The following DIPK2A variants were observed in gnomAD, a reference collection of about 807,000 sequenced individuals.
DIPK2A encodes the protein Golgi Protein of 49 kDa.
Under a neutral mutation model 39.0 loss-of-function variants are expected in DIPK2A, and 27 were observed. That is an observed-to-expected ratio of 0.69 (90% confidence interval 0.51 to 0.96). The LOEUF (loss-of-function observed/expected upper bound fraction) is 0.96, where lower values mean the gene tolerates loss of function less well. Among genes scored for constraint, DIPK2A ranks in the 40% least tolerant of loss-of-function variants. The pLI is 0.00. For missense variants in DIPK2A, 528 were observed against 571.3 expected (o/e 0.92, Z 0.77); for synonymous variants, 298 against 240.8 (o/e 1.24, Z -2.20).
chr3:143,991,129 A>ACAGTATG lies in DIPK2A; in HGVS notation c.*1288_*1289insCAGTATG, dbSNP rs2087981356. ...GCATAGAAATGTGTGGGCTCTTTATATAAGTTGACTATCACTAACAGGTAA... is the reference window on the plus strand; with the variant it reads ...GCATAGAAATGTGTGGGCTCTTTATACAGTATGTAAGTTGACTATCACTAACAGGTAA... On this transcript the variant is annotated 3_prime_UTR_variant, in exon 3 of 3. Coordinates refer to ENST00000315691, the MANE Select transcript of DIPK2A (RefSeq NM_173552.5). The ACAGTATG allele has an allele frequency of 6.6e-6, 1 of 152,662 alleles. No individual in the cohort carries two copies. The allele number at this position is 152,662 out of a possible 1,614,324, so 9.5% of individuals were successfully genotyped here.
At chr3:143,973,424 T>C (rs1009629538) in intron 1 of DIPK2A, 19 of 1,550,696 alleles carry the variant, frequency 1.2e-5, no homozygotes, top group Non-Finnish European at 1.6e-5. Flanking sequence ...GCGTTCGCTC[T>C]TCCTTTTCTG....
chr3:143,975,927 A>C (rs1346852275), intron 1 of DIPK2A, among the ~76,000 whole-genome samples: 2 of 152,124 alleles, frequency 1.3e-5, no homozygotes, highest in African/African-American at 2.4e-5. Context: ...AGCATGTAAA[A>C]ATTTCTTTTG....
At chr3:143,981,300 A>G (rs796439851) in intron 1 of DIPK2A, among the ~76,000 whole-genome samples, 48 of 152,338 alleles carry the variant, frequency 3.2e-4, no homozygotes, top group African/African-American at 1.1e-3. Context: ...AGATGATGCT[A>G]TAAAGACTGA....
chr3:143,987,857 A>G (rs1266649879), intron 2 of DIPK2A, among the ~76,000 whole-genome samples: 2 of 152,208 alleles, frequency 1.3e-5, no homozygotes, highest in African/African-American at 4.8e-5. Flanking sequence ...CTGCCTTGCC[A>G]TTAGCAACCA....
chr3:143,974,321 A>G (rs374980949), intron 1 of DIPK2A, among the ~76,000 whole-genome samples: 6 of 152,196 alleles, frequency 3.9e-5, no homozygotes, highest in African/African-American at 1.2e-4. Context: ...ATTTTAGGAC[A>G]TCAGAGGCTA....
intron 1 of DIPK2A, among the ~76,000 whole-genome samples, chr3:143,978,903 G>C (rs1265611946): frequency 1.3e-5 from 2 of 151,454 alleles, no homozygotes; most frequent in African/African-American, 4.8e-5. Context: ...TAATGTTTCC[G>C]ATTCTAAGTT....
chr3:143,973,310 C>T (rs2087685294), intron 1 of DIPK2A: 5 of 1,532,978 alleles, frequency 3.3e-6, no homozygotes, highest in Admixed American at 3.9e-5. Context: ...CTTCCGCTCT[C>T]TACCCTGCCT....
intron 1 of DIPK2A, among the ~76,000 whole-genome samples, chr3:143,977,156 TGTA>T (rs879810803): frequency 2.6e-5 from 4 of 152,102 alleles, no homozygotes; most frequent in African/African-American, 4.8e-5. Flanking sequence ...CTGGTGAAAA[TGTA>T]GTTTTTGAAG....
intron 1 of DIPK2A, among the ~76,000 whole-genome samples, chr3:143,974,726 A>G (rs767455408): frequency 6.6e-6 from 1 of 152,100 alleles, no homozygotes; most frequent in African/African-American, 2.4e-5. Context: ...GTAATTTTGA[A>G]TAGTGATGTA....
Position 143,986,005 on chromosome 3 carries a change from C to A in DIPK2A, c.961+159C>A, listed in dbSNP as rs1311157912. ...CACTGTCAATAAACAAATACAGATACTCTTTGACTTACTGGGGGTTACATC... is the reference window on the plus strand; with the variant it reads ...CACTGTCAATAAACAAATACAGATAATCTTTGACTTACTGGGGGTTACATC... On this transcript the variant is annotated intron_variant, in intron 2 of 2. Transcript: ENST00000315691. 5 of 603,332 alleles carry A rather than the reference C, an allele frequency of 8.3e-6. No individual in the cohort carries two copies. In the East Asian group the frequency reaches 1.4e-4, roughly 17 times the overall value. 37.4% of individuals were successfully genotyped at this position (603,332 alleles called of 1,614,324 possible).
intron 1 of DIPK2A, 134 bp downstream of exon 1, chr3:143,973,123 A>G: frequency 7.9e-7 from 1 of 1,269,830 alleles, no homozygotes; most frequent in Non-Finnish European, 1.1e-6. Flanking sequence ...AGGCGTGGGA[A>G]GGGGCGTCTC....
chr3:143,972,833 G>A lies in DIPK2A; in HGVS notation c.501G>A (p.Leu167=), dbSNP rs769521115. ...TPEAVEGWSD[L]VHCPSQRLLD... ...AGGCGGTGGAGGGCTGGTCGGACCTGGTGCACTGCCCCTCGCAGCGCCTTC... is the reference window on the plus strand; with the variant it reads ...AGGCGGTGGAGGGCTGGTCGGACCTAGTGCACTGCCCCTCGCAGCGCCTTC... The change falls in exon 1 of 3, where the codon CTG becomes CTA. Residue 167 remains leucine (L), a synonymous_variant. Coordinates refer to ENST00000315691, the MANE Select transcript of DIPK2A (RefSeq NM_173552.5). 2.6e-6 allele frequency: 4 copies of A among 1,566,608 alleles called. No individual in the cohort carries two copies. The Admixed American group carries it at 5.5e-5, about 22-fold the overall frequency.
At chr3:143,982,536 G>A (rs948379534) in intron 1 of DIPK2A, among the ~76,000 whole-genome samples, 7 of 152,120 alleles carry the variant, frequency 4.6e-5, no homozygotes, top group Admixed American at 6.5e-5. Context: ...ATCCTTTCCA[G>A]ACAAGCAAAT....
In DIPK2A at chr3:143,990,002, T is replaced by G. The variant is rs886761377; in HGVS notation, c.*161T>G. The G allele has an allele frequency of 1.6e-6, 1 of 610,050 alleles. No homozygotes were observed. Among genetic ancestry groups the G allele is most frequent in the Non-Finnish European group, 2.9e-6 (1 of 350,402 alleles). The allele number at this position is 610,050 out of a possible 1,614,324, so 37.8% of individuals were successfully genotyped here. A position where few individuals can be genotyped will look rare whatever the true frequency, so the allele number is the denominator to read the frequency against. ...TGTTAACATCCATCAAAATAAGACA[T>G]TACTTCAAAAATCACATGATGCTTC... On this transcript the variant is annotated 3_prime_UTR_variant, in exon 3 of 3. Coordinates refer to ENST00000315691, the MANE Select transcript of DIPK2A (RefSeq NM_173552.5).
At position 143,990,024 on chromosome 3, in the gene DIPK2A, C is replaced by T. The variant is rs1378377178; in HGVS notation, c.*183C>T. On this transcript the variant is annotated 3_prime_UTR_variant, in exon 3 of 3. Transcript: ENST00000315691. Reference sequence around the variant, plus strand: ...ACATTACTTCAAAAATCACATGATGCTTCTGCAAATAAGTATGTTCTTATA... The same window carrying T: ...ACATTACTTCAAAAATCACATGATGTTTCTGCAAATAAGTATGTTCTTATA... The T allele has an allele frequency of 3.4e-6, 2 of 590,924 alleles. No individual in the cohort carries two copies. Among genetic ancestry groups the T allele is most frequent in the Non-Finnish European group, 6.0e-6 (2 of 335,234 alleles). The allele number at this position is 590,924 out of a possible 1,614,324, so 36.6% of individuals were successfully genotyped here.
At chr3:143,976,279 C>T (rs1291079965) in intron 1 of DIPK2A, among the ~76,000 whole-genome samples, 1 of 151,836 alleles carries the variant, frequency 6.6e-6, no homozygotes, top group Non-Finnish European at 1.5e-5. Context: ...CCTTTATCTT[C>T]TACTCTGATA....
Position 143,973,009 on chromosome 3 carries a change from A to AG in DIPK2A, c.657+25dup. ...CTACAGGTAGGCGCGGAGCCAGGGC[A>AG]GGGGGCGTCCTGGGAGGGGCCGCGC... On this transcript the variant is annotated intron_variant, in intron 1 of 2. Transcript: ENST00000315691. 6.4e-7 allele frequency: 1 copy of AG among 1,563,222 alleles called. No homozygotes were observed.
At chr3:143,973,991 C>A (rs2087695353) in intron 1 of DIPK2A, among the ~76,000 whole-genome samples, 1 of 152,164 alleles carries the variant, frequency 6.6e-6, no homozygotes, top group South Asian at 2.1e-4. Context: ...GTTTCTCCTT[C>A]TGTCTGCAGG....
Position 143,972,810 on chromosome 3 carries a change from G to A in DIPK2A, c.478G>A (p.Ala160Thr), listed in dbSNP as rs746577456. 12 of 1,564,340 alleles carry A rather than the reference G, an allele frequency of 7.7e-6. No individual in the cohort carries two copies. The highest frequency in any genetic ancestry group is 1.2e-5 in the South Asian group (1 of 86,310). Residue 160 changes from alanine (A) to threonine (T), a missense_variant, in exon 1 of 3, where the codon GCG becomes ACG. Ala to Thr is a moderately conservative substitution (Grantham distance 58, BLOSUM62 0). Around this residue, in one of 2 missense-constraint regions of DIPK2A, gnomAD observed 309 missense variants for 289.8 expected, o/e 1.07. Coordinates refer to ENST00000315691, the MANE Select transcript of DIPK2A (RefSeq NM_173552.5). ...NGDVRLLTPE[A>T]VEGWSDLVHC... is the part of the protein sequence containing the mutation. ...CGACGTGCGTCTGCTCACGCCCGAG[G>A]CGGTGGAGGGCTGGTCGGACCTGGT... is the stretch of plus-strand genomic sequence containing the variant.
Sources: gnomAD v4.1 joint callset for allele counts (sites outside exome capture counted in the v4.1 genomes callset) on GRCh38, gnomAD v4.1.1 for gene constraint, gnomAD v4.1.1 regional missense constraint, MANE v1.5 for transcripts, NCBI Gene and HGNC (gene_info 2026-07-23, HGNC 2026-07-21) for gene names.